TLN2: variants seen among roughly 807,000 people sequenced by gnomAD.
The protein encoded by TLN2 is talin 2.
In TLN2, 118 loss-of-function variants were observed where a neutral mutation model predicts 294.7. The ratio of observed to expected loss-of-function variants is 0.40; its 90% confidence interval spans 0.34 to 0.47. The LOEUF (loss-of-function observed/expected upper bound fraction) is 0.47. Ranked by LOEUF, TLN2 falls within the 20% of genes least tolerant of loss-of-function variation. The pLI is 0.84. For synonymous variants in TLN2, 1,431 were observed against 1,304.5 expected, an observed-to-expected ratio of 1.10 and a Z score of -2.09; for missense variants, 3,083 against 3,282.2, an observed-to-expected ratio of 0.94 and a Z score of 1.48.
chr15:62,819,602 G>T lies in TLN2; in HGVS notation c.6858G>T (p.Gln2286His). 6.2e-7 allele frequency: 1 copy of T among 1,611,534 alleles called. No individual in the cohort carries two copies. The highest frequency in any genetic ancestry group is 8.5e-7 in the Non-Finnish European group (1 of 1,179,990). ...CCGGCGCTGTGACAGAGCTCATCCA[G>T]GCGGCGGAAGCCATGAAAGGTAGGC... ...RVAGAVTELIQAAEAMKGTEW... is the reference protein window; with the variant it reads ...RVAGAVTELIHAAEAMKGTEW... Residue 2286 changes from glutamine to histidine, a missense_variant, in exon 53 of 59, where the codon CAG (glutamine) becomes CAT (histidine). Physicochemically the swap from Gln to His is conservative, Grantham distance 24. Coordinates refer to ENST00000636159, the MANE Select transcript of TLN2 (RefSeq NM_015059.3).
intron 1 of TLN2, among the ~76,000 whole-genome samples, chr15:62,504,077 T>C (rs1254836700): frequency 6.6e-6 from 1 of 152,220 alleles, no homozygotes; most frequent in Admixed American, 6.5e-5. Context: ...TGTAAATTAT[T>C]TTGCAGAGAT....
Position 62,805,805 on chromosome 15 carries a change from T to C in TLN2, c.6663+20T>C. On this transcript the variant is annotated intron_variant, in intron 51 of 58. Transcript: ENST00000636159. ...TGCAAGGTAAAGAGCTTGGCATGGT[T>C]TTGGATGGACAGATGATTCTCTGTC... The C allele has an allele frequency of 6.2e-7, 1 of 1,606,190 alleles. No homozygotes were observed. Among genetic ancestry groups the C allele is most frequent in the Non-Finnish European group, 8.5e-7 (1 of 1,174,494 alleles).
chr15:62,703,749 C>T (rs1222418330), intron 19 of TLN2, among the ~76,000 whole-genome samples: 1 of 151,864 alleles, frequency 6.6e-6, no homozygotes, highest in Non-Finnish European at 1.5e-5. Flanking sequence ...TTTTTGTGAC[C>T]CTTCTTTTTC....
chr15:62,786,391 T>A (rs1484547407), intron 45 of TLN2, among the ~76,000 whole-genome samples: 1 of 152,208 alleles, frequency 6.6e-6, no homozygotes, highest in East Asian at 1.9e-4. Context: ...AAGCAGGAGC[T>A]TTATCTGCTT....
At chr15:62,766,267 G>A (rs752380943) in intron 40 of TLN2, 54 bp from the exon 41 acceptor site, 18 of 1,486,880 alleles carry the variant, frequency 1.2e-5, no homozygotes, top group Non-Finnish European at 1.5e-5. Context: ...TTGAATCAGT[G>A]CAGCTCTGTG....
rs1402254582 is a variant in TLN2, at chr15:62,478,787, T to G, written c.-238+88102T>G. Among the ~76,000 whole-genome samples, 6 of 152,230 alleles carry G rather than the reference T, an allele frequency of 3.9e-5. No homozygotes were observed. The East Asian group carries it at 1.2e-3, about 29-fold the overall frequency. On this transcript the variant is annotated intron_variant, in intron 1 of 58. Transcript: ENST00000636159. ...CTCTGGTCAGAGTTATTTCGTCTAT[T>G]TTGTATTAGATACGCAGTTCTAGTG...
chr15:62,833,691 GA>G, intron 55 of TLN2, 62 bp downstream of exon 55: 1 of 1,573,414 alleles, frequency 6.4e-7, no homozygotes. Flanking sequence ...GGGGGCCCAG[GA>G]AAAGAGCTAC....
rs763979637 is a variant in TLN2, at chr15:62,694,402, A to G, written c.1292+10A>G. On this transcript the variant is annotated intron_variant, in intron 14 of 58. Transcript: ENST00000636159. ...CCGTTTCCCCAAAAAAGTAAGTATT[A>G]TGAAGAGTACTAGAGGACCACCTTC... 1.2e-6 allele frequency: 2 copies of G among 1,613,134 alleles called. No individual in the cohort carries two copies. The highest frequency in any genetic ancestry group is 2.2e-5 in the East Asian group (1 of 44,874).
intron 41 of TLN2, among the ~76,000 whole-genome samples, chr15:62,768,916 A>T (rs1229414446): frequency 6.6e-6 from 1 of 152,216 alleles, no homozygotes; most frequent in African/African-American, 2.4e-5. Context: ...CATTTTACAG[A>T]TAAGGAAACT....
chr15:62,436,212 C>T (rs140309638), intron 1 of TLN2, among the ~76,000 whole-genome samples: 71 of 152,340 alleles, frequency 4.7e-4, no homozygotes, highest in African/African-American at 1.4e-3. Flanking sequence ...ATTGATTCCA[C>T]GTTCCCTCTG....
intron 14 of TLN2, among the ~76,000 whole-genome samples, chr15:62,694,800 T>C (rs1240419579): frequency 1.3e-5 from 2 of 152,094 alleles, no homozygotes; most frequent in African/African-American, 2.4e-5. Flanking sequence ...GGAGTTACGG[T>C]GAAGCACTGC....
rs2059213517 is a variant in TLN2 at position 62,708,504 on chromosome 15, T to C, written c.2175T>C (p.Val725=). ...STSQLVACAK[V]VSPTISSPVC... ...AACCTGTTCCTGTCTCACTTCAGGT[T>C]GTGAGCCCCACTATTAGCTCCCCTG... Residue 725 remains valine (V), a splice_region_variant and synonymous_variant, in exon 21 of 59, where the codon GTT becomes GTC. Transcript: ENST00000636159. 1 of 1,612,384 alleles carries C rather than the reference T, an allele frequency of 6.2e-7. No individual in the cohort carries two copies.
rs1369075863 is a variant in TLN2, at chr15:62,447,184, T to TTTATTTATTTATTTAA, written c.-238+56502_-238+56503insTTTATTTATTTAATTA. Among the ~76,000 whole-genome samples the TTTATTTATTTATTTAA allele has an allele frequency of 1.4e-3, 211 of 151,752 alleles. 1 individual carries two copies. The highest frequency in any genetic ancestry group is 4.7e-3 in the African/African-American group (196 of 41,272). ...ATTTATTTATTTGTTTATTTATTTA[T>TTTATTTATTTATTTAA]TTAATTAGGAACTATTCACTACTTG... On this transcript the variant is annotated intron_variant, in intron 1 of 58. Transcript: ENST00000636159.
At chr15:62,656,116 T>G (rs199689643) in intron 8 of TLN2, 30 bp downstream of exon 8, 10 of 1,605,600 alleles carry the variant, frequency 6.2e-6, no homozygotes, top group Non-Finnish European at 8.5e-6. Flanking sequence ...GACACTGAGG[T>G]TGGTGAGATT....
chr15:62,771,414 A>G (rs899896886), intron 42 of TLN2, among the ~76,000 whole-genome samples: 2 of 152,226 alleles, frequency 1.3e-5, no homozygotes, highest in African/African-American at 4.8e-5. Flanking sequence ...TGAAAACTGT[A>G]ATGCTTGCTG....
Position 62,739,471 on chromosome 15 carries a change from G to T in TLN2, c.3811G>T (p.Ala1271Ser), listed in dbSNP as rs1221272877. ...CCGGGGCCAGAGTGGAGAGTTGGCT[G>T]CAGCCTCTGGAAAGTTCAGTGATGA... Reference protein sequence around the residue: ...ATRGQSGELAAASGKFSDDFD... With the variant: ...ATRGQSGELASASGKFSDDFD... Residue 1271 changes from alanine (A) to serine (S), a missense_variant, in exon 31 of 59, where the codon GCA (alanine) becomes TCA (serine). By Grantham distance (99) the Ala-to-Ser change is moderately conservative. Transcript: ENST00000636159. The T allele has an allele frequency of 2.5e-6, 4 of 1,614,228 alleles. No individual in the cohort carries two copies. In the South Asian group the frequency reaches 4.4e-5, roughly 18 times the overall value.
chr15:62,684,322 T>C (rs955384007), intron 11 of TLN2, among the ~76,000 whole-genome samples: 9 of 152,226 alleles, frequency 5.9e-5, no homozygotes, highest in Non-Finnish European at 8.8e-5. Context: ...GAAGCTGGGA[T>C]TGTGCCAACC....
chr15:62,664,522 A>C (rs2054295378), intron 9 of TLN2, among the ~76,000 whole-genome samples: 1 of 152,036 alleles, frequency 6.6e-6, no homozygotes, highest in Admixed American at 6.5e-5. Context: ...TATAGACACA[A>C]GGAGATACAG....
intron 1 of TLN2, among the ~76,000 whole-genome samples, chr15:62,446,628 A>G (rs75609721): frequency 6.6e-6 from 1 of 151,622 alleles, no homozygotes; most frequent in Non-Finnish European, 1.5e-5. Flanking sequence ...TTTCTTATAT[A>G]AAAAAATGAA....
Sources: gnomAD v4.1 joint callset for allele counts (sites outside exome capture counted in the v4.1 genomes callset) on GRCh38, gnomAD v4.1.1 for gene constraint, MANE v1.5 for transcripts, NCBI Gene and HGNC (gene_info 2026-07-23, HGNC 2026-07-21) for gene names.